TENM3: variants seen among roughly 807,000 people sequenced by gnomAD.
The protein encoded by TENM3 is teneurin-3.
In TENM3, 63 loss-of-function variants were observed where a neutral mutation model predicts 255.1. That is an observed-to-expected ratio of 0.25 (90% confidence interval 0.20 to 0.30). The LOEUF (loss-of-function observed/expected upper bound fraction) is 0.30, where lower values mean the gene tolerates loss of function less well. Ranked by LOEUF, TENM3 falls within the 10% of genes least tolerant of loss-of-function variation. The probability of loss-of-function intolerance (pLI) is 1.00; values close to 1 mark genes in which losing one functional copy is unlikely to be tolerated. For synonymous variants in TENM3, 1,306 were observed against 1,322.3 expected (o/e 0.99, Z 0.27); for missense variants, 2,929 against 3,461.1 (o/e 0.85, Z 3.86).
chr4:181,777,588 T>C, the TENM3 span, among the ~76,000 whole-genome samples: 4 of 152,128 alleles, frequency 2.6e-5, no homozygotes, highest in African/African-American at 4.8e-5. Context: ...AAGATTATTT[T>C]GCAAGGTTTT....
At chr4:182,368,714 G>A (rs1766591209) in intron 3 of TENM3, among the ~76,000 whole-genome samples, 1 of 152,136 alleles carries the variant, frequency 6.6e-6, no homozygotes, top group African/African-American at 2.4e-5. Context: ...GGAGGTGAAG[G>A]TTTGTTCTTT....
chr4:182,718,039 A>T (rs1330019164), intron 13 of TENM3, among the ~76,000 whole-genome samples: 3 of 152,060 alleles, frequency 2.0e-5, no homozygotes, highest in African/African-American at 7.2e-5. Flanking sequence ...GCCCTGTCTC[A>T]CAGTGAACCC....
intron 1 of TENM3, among the ~76,000 whole-genome samples, chr4:182,254,475 C>T (rs1432940388): frequency 1.3e-5 from 2 of 151,948 alleles, no homozygotes; most frequent in African/African-American, 2.4e-5. Context: ...GTCATTCTTC[C>T]GGTATTTAGC....
At chr4:182,670,610 G>C (rs1755117579) in intron 6 of TENM3, among the ~76,000 whole-genome samples, 1 of 152,152 alleles carries the variant, frequency 6.6e-6, no homozygotes, top group African/African-American at 2.4e-5. Context: ...ACAACTGATG[G>C]TACGTGTGTC....
At chr4:182,528,304 G>T (rs981889478) in intron 3 of TENM3, among the ~76,000 whole-genome samples, 1 of 152,016 alleles carries the variant, frequency 6.6e-6, no homozygotes. Flanking sequence ...TTTTAGTAGA[G>T]ACAGGGTTTC....
chr4:181,492,640 A>G, the TENM3 span, among the ~76,000 whole-genome samples: 3 of 152,322 alleles, frequency 2.0e-5, no homozygotes, highest in African/African-American at 7.2e-5. Flanking sequence ...TTACACAATT[A>G]GACGTAGATT....
chr4:182,715,726 CA>C (rs1268268956), intron 13 of TENM3, among the ~76,000 whole-genome samples: 2 of 152,144 alleles, frequency 1.3e-5, no homozygotes, highest in African/African-American at 4.8e-5. Flanking sequence ...ACCAACCCCT[CA>C]ACCTCCCTTC....
the TENM3 span, among the ~76,000 whole-genome samples, chr4:181,778,836 C>T: frequency 1.3e-5 from 2 of 152,082 alleles, no homozygotes; most frequent in South Asian, 4.1e-4. Context: ...GAATTTCGCC[C>T]TCAGGTTGAT....
At chr4:182,019,429 G>A in the TENM3 span, among the ~76,000 whole-genome samples, 2 of 152,094 alleles carry the variant, frequency 1.3e-5, no homozygotes, top group African/African-American at 2.4e-5. Context: ...TTTTCCCTTT[G>A]CTATATGTGT....
At chr4:182,299,843 G>A (rs1017313807) in intron 1 of TENM3, among the ~76,000 whole-genome samples, 3 of 152,088 alleles carry the variant, frequency 2.0e-5, no homozygotes, top group Middle Eastern at 6.8e-3. Context: ...TTCCATTACA[G>A]CACGAGCAGG....
chr4:182,626,011 A>G (rs6836153), intron 4 of TENM3, among the ~76,000 whole-genome samples: 5,596 of 152,326 alleles, frequency 0.037, 121 homozygotes, highest in Middle Eastern at 0.075. Flanking sequence ...ATTTCATGAC[A>G]TGGGAAAATT....
At chr4:181,518,906 C>A in the TENM3 span, among the ~76,000 whole-genome samples, 1 of 152,104 alleles carries the variant, frequency 6.6e-6, no homozygotes. Context: ...CACCTGGGTT[C>A]TAATTGCCCG....
At chr4:181,629,514 A>G in the TENM3 span, among the ~76,000 whole-genome samples, 2 of 152,184 alleles carry the variant, frequency 1.3e-5, no homozygotes, top group Non-Finnish European at 2.9e-5. Flanking sequence ...ACGTCCATCA[A>G]TACCTAATTT....
the TENM3 span, among the ~76,000 whole-genome samples, chr4:182,028,844 A>T: frequency 2.6e-5 from 4 of 151,300 alleles, no homozygotes; most frequent in Non-Finnish European, 5.9e-5. Flanking sequence ...ATATTTTAAG[A>T]CTTGTTTTCT....
rs765236326 is a variant in TENM3 at position 182,681,989 on chromosome 4, C to T, written c.2010C>T (p.Asn670=). The T allele has an allele frequency of 1.9e-6, 3 of 1,613,844 alleles. No individual in the cohort carries two copies. Among genetic ancestry groups the T allele is most frequent in the Non-Finnish European group, 2.5e-6 (3 of 1,179,900 alleles). Residue 670 remains asparagine, a synonymous_variant, in exon 11 of 28, where the codon AAC becomes AAT. Transcript: ENST00000511685. ...QESGSCTCDP[N]WTGPDCSNEI... is the part of the protein sequence containing the mutation. ...GTGGCTCCTGCACGTGTGACCCTAACTGGACTGGCCCAGACTGCTCAAACG... is the reference window on the plus strand; with the variant it reads ...GTGGCTCCTGCACGTGTGACCCTAATTGGACTGGCCCAGACTGCTCAAACG...
rs116535323 is a variant in TENM3, at chr4:182,286,362, C to T, written c.-75-37584C>T. On this transcript the variant is annotated intron_variant, in intron 1 of 27. Transcript: ENST00000511685. ...GATCAGCAAATTGGCAGGGGCCCAC[C>T]TAACTGTTCAACCAGAGATTGGAAT... 8.0e-3 allele frequency among the ~76,000 whole-genome samples: 1,225 copies of T among 152,344 alleles called. 18 individuals carry two copies. Among genetic ancestry groups the T allele is most frequent in the African/African-American group, 0.028 (1,174 of 41,570 alleles).
At chr4:182,602,802 C>T (rs1748030801) in intron 4 of TENM3, among the ~76,000 whole-genome samples, 1 of 151,962 alleles carries the variant, frequency 6.6e-6, no homozygotes, top group Non-Finnish European at 1.5e-5. Flanking sequence ...CTAATCAACA[C>T]CGATTCACTA....
chr4:181,997,660 G>A, the TENM3 span, among the ~76,000 whole-genome samples: 1 of 152,188 alleles, frequency 6.6e-6, no homozygotes, highest in African/African-American at 2.4e-5. Flanking sequence ...ACAGGCTGAA[G>A]GTGCATTGCT....
At chr4:181,875,741 T>C in the TENM3 span, among the ~76,000 whole-genome samples, 1 of 152,202 alleles carries the variant, frequency 6.6e-6, no homozygotes, top group African/African-American at 2.4e-5. Context: ...AAAGTATTAT[T>C]AGGGGGAGAA....
Sources: gnomAD v4.1 joint callset for allele counts (sites outside exome capture counted in the v4.1 genomes callset) on GRCh38, gnomAD v4.1.1 for gene constraint, MANE v1.5 for transcripts, NCBI Gene and HGNC (gene_info 2026-07-23, HGNC 2026-07-21) for gene names.